The following MMP26 variants were observed in gnomAD, a reference collection of about 807,000 sequenced individuals.
MMP26 encodes the protein matrix metallopeptidase 26.
In MMP26, 33 loss-of-function variants were observed where a neutral mutation model predicts 31.0. That is an observed-to-expected ratio of 1.06 (90% CI 0.81 to 1.42). The LOEUF is 1.42. Ranked by LOEUF, MMP26 falls within the 40% of genes most tolerant of loss-of-function variation. The pLI, the probability that MMP26 is intolerant of heterozygous loss-of-function variation, is 0.00. For missense variants in MMP26, 347 were observed against 316.1 expected, an observed-to-expected ratio of 1.10 and a Z score of -0.74; for synonymous variants, 122 against 114.9, an observed-to-expected ratio of 1.06 and a Z score of -0.40.
chr11:4,839,040 T>A (rs989780757), intron 2 of MMP26, among the ~76,000 whole-genome samples: 2 of 151,924 alleles, frequency 1.3e-5, no homozygotes, highest in African/African-American at 4.8e-5. Flanking sequence ...TTCTGATGCA[T>A]TAAACTCAGT....
chr11:4,866,782 C>T (rs1401046590), intron 2 of MMP26, among the ~76,000 whole-genome samples: 1 of 152,048 alleles, frequency 6.6e-6, no homozygotes, highest in East Asian at 1.9e-4. Flanking sequence ...GAAGATTACA[C>T]ACCTACAACC....
chr11:4,946,515 T>C lies in MMP26; in HGVS notation c.-144-41553T>C, dbSNP rs751071383. The C allele has an allele frequency of 9.9e-6, 16 of 1,608,546 alleles. 1 individual carries two copies. In the South Asian group the frequency reaches 1.5e-4, roughly 15 times the overall value. On this transcript the variant is annotated intron_variant, in intron 2 of 7. Transcript: ENST00000380390. Reference sequence around the variant, plus strand: ...CCAAAAAAGCCATAGATAACATCAATTCTGTTGTCAGAACAGGCCAACTTC... The same window carrying C: ...CCAAAAAAGCCATAGATAACATCAACTCTGTTGTCAGAACAGGCCAACTTC...
intron 2 of MMP26, among the ~76,000 whole-genome samples, chr11:4,887,112 T>A (rs930820714): frequency 1.3e-5 from 2 of 152,032 alleles, no homozygotes; most frequent in African/African-American, 4.8e-5. Flanking sequence ...AGATCTTATA[T>A]GATATATATT....
At chr11:4,870,304 T>G (rs1216666449) in intron 2 of MMP26, among the ~76,000 whole-genome samples, 1 of 152,132 alleles carries the variant, frequency 6.6e-6, no homozygotes, top group Admixed American at 6.6e-5. Flanking sequence ...TGTATTATCT[T>G]TAAAATATGT....
intron 1 of MMP26, among the ~76,000 whole-genome samples, chr11:4,754,318 G>C (rs1281464217): frequency 1.3e-5 from 2 of 151,732 alleles, no homozygotes; most frequent in Non-Finnish European, 2.9e-5. Context: ...AATAAATAGA[G>C]CAAATGTGGG....
In MMP26 at chr11:4,795,380, GAAGA is replaced by G. The variant is rs1374793976; in HGVS notation, c.-145+28040_-145+28043del. 4 of 152,210 alleles carry G rather than the reference GAAGA, an allele frequency of 2.6e-5. No individual in the cohort carries two copies. The East Asian group carries it at 7.7e-4, about 29-fold the overall frequency. 9.4% of individuals were successfully genotyped at this position (152,210 alleles called of 1,614,324 possible). On this transcript the variant is annotated intron_variant, in intron 2 of 7. Coordinates refer to ENST00000380390, the MANE Select transcript of MMP26 (RefSeq NM_021801.5). ...CATTTGGGGGAGAAACCTATCCTCT[GAAGA>G]GACCAACCAAGTAATAAACACATAT...
chr11:4,882,725 A>G, intron 2 of MMP26: 1 of 1,613,934 alleles, frequency 6.2e-7, no homozygotes, highest in South Asian at 1.1e-5. Flanking sequence ...GGTGCTCTGT[A>G]GCACTTTGGC....
chr11:4,918,607 C>G (rs546225681), intron 2 of MMP26, among the ~76,000 whole-genome samples: 1 of 152,136 alleles, frequency 6.6e-6, no homozygotes, highest in Non-Finnish European at 1.5e-5. Flanking sequence ...TTAAAATCCT[C>G]GCAGAACCCA....
At chr11:4,760,224 A>T (rs1458385972) in intron 1 of MMP26, among the ~76,000 whole-genome samples, 1 of 152,254 alleles carries the variant, frequency 6.6e-6, no homozygotes, top group Non-Finnish European at 1.5e-5. Flanking sequence ...CAATCTCCAT[A>T]GAATGACAAA....
chr11:4,813,094 A>C (rs1190935659), intron 2 of MMP26, among the ~76,000 whole-genome samples: 1 of 151,928 alleles, frequency 6.6e-6, no homozygotes, highest in Non-Finnish European at 1.5e-5. Context: ...AAACTTCGCT[A>C]TCTGGGTTCA....
chr11:4,911,760 C>T (rs1198042923), intron 2 of MMP26, among the ~76,000 whole-genome samples: 2 of 152,176 alleles, frequency 1.3e-5, no homozygotes, highest in Admixed American at 6.5e-5. Context: ...CAACCCATTA[C>T]CCCACTATGT....
chr11:4,968,884 T>C (rs935090384), intron 2 of MMP26, among the ~76,000 whole-genome samples: 3 of 151,994 alleles, frequency 2.0e-5, no homozygotes, highest in Admixed American at 1.3e-4. Flanking sequence ...GAATACCCAG[T>C]CATACTTTAG....
chr11:4,858,754 C>T (rs1039731050), intron 2 of MMP26, among the ~76,000 whole-genome samples: 12 of 152,090 alleles, frequency 7.9e-5, no homozygotes, highest in Non-Finnish European at 4.4e-5. Flanking sequence ...AAAAAGAGCC[C>T]GCATTGCCAA....
chr11:4,971,345 GT>G (rs1482573519), intron 2 of MMP26, among the ~76,000 whole-genome samples: 1 of 152,212 alleles, frequency 6.6e-6, no homozygotes, highest in Non-Finnish European at 1.5e-5. Context: ...GCTGTCAAAA[GT>G]GTGTACACAG....
At chr11:4,860,027 A>G (rs1309023028) in intron 2 of MMP26, 2 of 471,014 alleles carry the variant, frequency 4.2e-6, no homozygotes, top group Non-Finnish European at 8.8e-6. Context: ...TGAAGACAGT[A>G]TGAATGAGAC....
chr11:4,856,718 A>G (rs563361455), intron 2 of MMP26, among the ~76,000 whole-genome samples: 26 of 152,298 alleles, frequency 1.7e-4, no homozygotes, highest in African/African-American at 4.8e-4. Flanking sequence ...TGCACCAAGC[A>G]GACCTAATAG....
At chr11:4,943,572 T>G in intron 2 of MMP26, 5 of 434,174 alleles carry the variant, frequency 1.2e-5, no homozygotes, top group South Asian at 8.2e-5. Flanking sequence ...GAATGGTTAG[T>G]AGCGTCTCCG....
In MMP26 at chr11:4,748,617, C is replaced by G. The variant is rs565852777; in HGVS notation, c.-216-18653C>G. Among the ~76,000 whole-genome samples the G allele has an allele frequency of 2.7e-5, 4 of 149,518 alleles. No individual in the cohort carries two copies. In the South Asian group the frequency reaches 8.4e-4, roughly 31 times the overall value. The stretch of plus-strand genomic sequence containing the variant: ...CACAACAATGAAGCGGGTTTTATTC[C>G]ACAGATTCAAGGATGTCGCAACGTA... On this transcript the variant is annotated intron_variant, in intron 1 of 7. Transcript: ENST00000380390.
chr11:4,918,303 G>A (rs1205428391), intron 2 of MMP26, among the ~76,000 whole-genome samples: 4 of 152,032 alleles, frequency 2.6e-5, no homozygotes, highest in South Asian at 2.1e-4. Context: ...AGCCTGAAAC[G>A]GGTGGAGGTT....
Sources: allele counts gnomAD v4.1 joint callset (sites outside exome capture counted in the v4.1 genomes callset), GRCh38; gene constraint gnomAD v4.1.1; transcripts MANE v1.5; gene names NCBI Gene and HGNC (gene_info 2026-07-23, HGNC 2026-07-21).